Variants in SPATS2 observed in about 807,000 individuals in gnomAD.
SPATS2 encodes the protein spermatogenesis-associated serine-rich protein 2.
SPATS2 carries 38 observed loss-of-function variants against 63.7 expected under a neutral mutation model. The ratio of observed to expected loss-of-function variants is 0.60; its 90% CI spans 0.46 to 0.78. The LOEUF (loss-of-function observed/expected upper bound fraction) is 0.78, where lower values mean the gene tolerates loss of function less well. Ranked by LOEUF, SPATS2 falls within the 30% of genes least tolerant of loss-of-function variation. The pLI, the probability that SPATS2 is intolerant of heterozygous loss-of-function variation, is 0.00. For missense variants in SPATS2, 588 were observed against 666.2 expected (o/e 0.88, Z 1.29); for synonymous variants, 207 against 232.9 (o/e 0.89, Z 1.01).
In SPATS2 at chr12:49,498,145, A is replaced by AAAATATATATATAT. The variant is rs66900382; in HGVS notation, c.703+1137_703+1138insAATATATATATATA. Among the ~76,000 whole-genome samples the AAAATATATATATAT allele has an allele frequency of 1.5e-3, 153 of 98,924 alleles. 1 individual carries two copies. Among genetic ancestry groups the AAAATATATATATAT allele is most frequent in the African/African-American group, 4.6e-3 (94 of 20,338 alleles). 64.9% of individuals were successfully genotyped at this position (98,924 alleles called of 152,430 possible). On this transcript the variant is annotated intron_variant, in intron 8 of 13. Coordinates refer to ENST00000552918, the MANE Select transcript of SPATS2 (RefSeq NM_023071.4). The stretch of plus-strand genomic sequence containing the variant: ...ATCCAATCAAGCCAAAAAAAAAAAA[A>AAAATATATATATAT]ATATATATATATATATATATATATG...
intron 2 of SPATS2, among the ~76,000 whole-genome samples, chr12:49,446,456 C>G: frequency 6.6e-6 from 1 of 152,344 alleles, no homozygotes; most frequent in East Asian, 1.9e-4. Context: ...TTTTCAGGCT[C>G]ACTCAGGCTG....
chr12:49,436,193 G>C (rs1367422075), intron 2 of SPATS2, among the ~76,000 whole-genome samples: 1 of 151,500 alleles, frequency 6.6e-6, no homozygotes, highest in Admixed American at 6.6e-5. Flanking sequence ...CGGGCAGAGG[G>C]GCTCCTCACT....
chr12:49,452,779 G>A (rs187999305), intron 2 of SPATS2, among the ~76,000 whole-genome samples: 3 of 150,614 alleles, frequency 2.0e-5, no homozygotes, highest in Admixed American at 2.0e-4. Flanking sequence ...TTTAACCGTG[G>A]TTCTCTTTAA....
At chr12:49,445,634 C>T (rs1945497412) in intron 2 of SPATS2, among the ~76,000 whole-genome samples, 1 of 152,138 alleles carries the variant, frequency 6.6e-6, no homozygotes, top group South Asian at 2.1e-4. Flanking sequence ...CCTACTCCCT[C>T]AGCCTCCCAA....
intron 3 of SPATS2, among the ~76,000 whole-genome samples, chr12:49,467,895 G>A (rs1026707080): frequency 1.8e-4 from 27 of 151,504 alleles, no homozygotes; most frequent in African/African-American, 5.8e-4. Context: ...CACCACGCCC[G>A]GCTAATTTTT....
chr12:49,442,765 CAGAG>C (rs1168732147), intron 2 of SPATS2: 1 of 100,650 alleles, frequency 9.9e-6, no homozygotes, highest in Non-Finnish European at 1.9e-5. Flanking sequence ...GTCTGGGCAA[CAGAG>C]AGAGACCATG....
At chr12:49,377,264 T>C (rs1944123344) in intron 2 of SPATS2, among the ~76,000 whole-genome samples, 1 of 152,196 alleles carries the variant, frequency 6.6e-6, no homozygotes, top group Non-Finnish European at 1.5e-5. Context: ...CATAATGTTA[T>C]GATGATCCTA....
chr12:49,423,947 A>C (rs925320840), intron 2 of SPATS2, among the ~76,000 whole-genome samples: 1 of 152,202 alleles, frequency 6.6e-6, no homozygotes, highest in African/African-American at 2.4e-5. Flanking sequence ...TCACTCCTGT[A>C]ATCTCAGCAC....
intron 2 of SPATS2, among the ~76,000 whole-genome samples, chr12:49,441,456 T>G (rs1023868366): frequency 6.6e-6 from 1 of 152,220 alleles, no homozygotes; most frequent in Non-Finnish European, 1.5e-5. Context: ...TCTCCTTAAG[T>G]GGGCTGTCTT....
intron 1 of SPATS2, among the ~76,000 whole-genome samples, chr12:49,367,798 TGGG>T (rs1943927298): frequency 7.9e-6 from 1 of 125,908 alleles, no homozygotes; most frequent in Non-Finnish European, 1.7e-5. Context: ...GCGTCGGAGT[TGGG>T]GAGTTTCCAG....
intron 3 of SPATS2, among the ~76,000 whole-genome samples, chr12:49,470,191 C>T (rs1946010434): frequency 6.6e-6 from 1 of 151,946 alleles, no homozygotes. Flanking sequence ...ACCACCACGC[C>T]CAGCTAATTT....
chr12:49,525,451 C>G lies in SPATS2; in HGVS notation c.1327-493C>G, dbSNP rs571030601. On this transcript the variant is annotated intron_variant, in intron 13 of 13. Coordinates refer to ENST00000552918, the MANE Select transcript of SPATS2 (RefSeq NM_023071.4). ...GGAATTGGAGGACAAAAATAAAATC[C>G]CATACCGTAAGCTTTCCGGATTATA... Among the ~76,000 whole-genome samples the G allele has an allele frequency of 1.1e-4, 17 of 152,272 alleles. No individual in the cohort carries two copies. In the South Asian group the frequency reaches 3.5e-3, roughly 32 times the overall value.
At chr12:49,412,309 C>T (rs1285994105) in intron 2 of SPATS2, among the ~76,000 whole-genome samples, 1 of 151,954 alleles carries the variant, frequency 6.6e-6, no homozygotes, top group Non-Finnish European at 1.5e-5. Context: ...ATTTTCCTGC[C>T]TCAGCCTCCC....
chr12:49,520,686 A>G (rs1218459519), intron 11 of SPATS2, among the ~76,000 whole-genome samples: 15 of 151,784 alleles, frequency 9.9e-5, no homozygotes, highest in Non-Finnish European at 1.5e-5. Context: ...GTTATAATCT[A>G]TTTATAACAA....
chr12:49,478,552 GGTT>G (rs1221182826), intron 3 of SPATS2, among the ~76,000 whole-genome samples: 2 of 152,170 alleles, frequency 1.3e-5, no homozygotes, highest in African/African-American at 4.8e-5. Context: ...GAGAACTTCA[GGTT>G]GTTTAATTGT....
chr12:49,515,678 C>T (rs112562607), intron 10 of SPATS2, among the ~76,000 whole-genome samples: 146 of 152,270 alleles, frequency 9.6e-4, no homozygotes, highest in Admixed American at 1.1e-3. Flanking sequence ...AATGGAAATG[C>T]AGATAAACTA....
intron 2 of SPATS2, among the ~76,000 whole-genome samples, chr12:49,450,247 A>G (rs1403990687): frequency 2.0e-5 from 3 of 149,050 alleles, no homozygotes; most frequent in Non-Finnish European, 3.0e-5. Context: ...TTTTTTTTAA[A>G]TTTTATTTAT....
At chr12:49,423,907 A>G (rs983977532) in intron 2 of SPATS2, among the ~76,000 whole-genome samples, 3 of 152,172 alleles carry the variant, frequency 2.0e-5, no homozygotes, top group Admixed American at 6.6e-5. Flanking sequence ...TGTTTTTTCT[A>G]TTAAGAGAAC....
chr12:49,462,264 A>C, intron 3 of SPATS2: 1 of 702,096 alleles, frequency 1.4e-6, no homozygotes, highest in Non-Finnish European at 2.6e-6. Context: ...GCCTCTCTCA[A>C]CTCCTCACAG....
Sources: allele counts gnomAD v4.1 joint callset (sites outside exome capture counted in the v4.1 genomes callset), GRCh38; gene constraint gnomAD v4.1.1; transcripts MANE v1.5; gene names NCBI Gene and HGNC (gene_info 2026-07-23, HGNC 2026-07-21).